The following NBEA variants were observed in gnomAD, a reference collection of about 807,000 sequenced individuals.
NBEA encodes the protein neurobeachin.
Under a neutral mutation model 343.4 loss-of-function variants are expected in NBEA, and 44 were observed. The observed-to-expected ratio is 0.13, with a 90% CI of 0.10 to 0.16. The LOEUF is 0.16. Among genes scored for constraint, NBEA ranks in the 10% least tolerant of loss-of-function variants. NBEA has a pLI of 1.00. For missense variants in NBEA, 2,555 were observed against 3,631.3 expected, an observed-to-expected ratio of 0.70 and a Z score of 7.62; for synonymous variants, 1,175 against 1,238.7, an observed-to-expected ratio of 0.95 and a Z score of 1.08.
Position 35,160,009 on chromosome 13 carries a change from A to T in NBEA, c.3838A>T (p.Ile1280Phe), listed in dbSNP as rs1464563962. ...GKESGKEIRK[I>F]QTTTTTQAVQ... is the part of the protein sequence containing the mutation. ...AGAATCAGGAAAAGAAATCCGAAAA[A>T]TCCAAACAACTACTACGACACAAGT... The change falls in exon 22 of 59, where the codon ATC becomes TTC. Residue 1280 changes from isoleucine (I) to phenylalanine (F), a missense_variant. By Grantham distance (21) the Ile-to-Phe change is conservative (BLOSUM62 0). Coordinates refer to ENST00000379939, the MANE Select transcript of NBEA (RefSeq NM_001385012.1). 1.3e-6 allele frequency: 2 copies of T among 1,585,620 alleles called. No homozygotes were observed. The highest frequency in any genetic ancestry group is 1.7e-6 in the Non-Finnish European group (2 of 1,167,816).
chr13:35,047,472 G>A (rs571534877), intron 4 of NBEA, among the ~76,000 whole-genome samples: 1 of 152,068 alleles, frequency 6.6e-6, no homozygotes, highest in South Asian at 2.1e-4. Context: ...TTGAAGTCCA[G>A]AAAAGCTTCA....
rs566690356 is a variant in NBEA, at chr13:35,399,913, G to C, written c.6180-32356G>C. On this transcript the variant is annotated intron_variant, in intron 38 of 58. Transcript: ENST00000379939. ...GGGAATAGGGAAGCCCAAAGGGAGG[G>C]AGAGGGACAGGGGAACAACCAGTTG... 6.0e-4 allele frequency among the ~76,000 whole-genome samples: 92 copies of C among 152,136 alleles called. 1 individual carries two copies. The highest frequency in any genetic ancestry group is 2.1e-3 in the African/African-American group (87 of 41,536).
chr13:35,280,976 T>TA (rs2152811185), intron 34 of NBEA, among the ~76,000 whole-genome samples: 1 of 152,240 alleles, frequency 6.6e-6, no homozygotes, highest in African/African-American at 2.4e-5. Flanking sequence ...GTGACTCACA[T>TA]ACTGACTTCT....
chr13:35,546,767 C>G (rs1175354911), intron 41 of NBEA, among the ~76,000 whole-genome samples: 1 of 151,992 alleles, frequency 6.6e-6, no homozygotes, highest in South Asian at 2.1e-4. Context: ...ATTGGCCAGG[C>G]TGGTCTCGAA....
At chr13:35,545,337 C>A (rs1241799183) in intron 41 of NBEA, among the ~76,000 whole-genome samples, 1 of 152,152 alleles carries the variant, frequency 6.6e-6, no homozygotes, top group Admixed American at 6.5e-5. Flanking sequence ...CACTGCATTC[C>A]ACTCTATCCT....
At position 35,123,021 on chromosome 13, in the gene NBEA, G is replaced by A. The variant is rs2066886988; in HGVS notation, c.2244-461G>A. ...CCAAGAAAACAGGGTTAGGGTGCAG[G>A]TGGCTCACGCCTGTAATTCCAGCAC... On this transcript the variant is annotated intron_variant, in intron 16 of 58. Coordinates refer to ENST00000379939, the MANE Select transcript of NBEA (RefSeq NM_001385012.1). Among the ~76,000 whole-genome samples the A allele has an allele frequency of 2.0e-5, 3 of 152,172 alleles. No homozygotes were observed. The South Asian group carries it at 6.2e-4, about 31-fold the overall frequency.
chr13:35,423,381 T>C (rs1209828699), intron 38 of NBEA, among the ~76,000 whole-genome samples: 1 of 152,234 alleles, frequency 6.6e-6, no homozygotes, highest in Non-Finnish European at 1.5e-5. Context: ...TAGCCAGTTT[T>C]CCCAGCACCA....
intron 44 of NBEA, among the ~76,000 whole-genome samples, chr13:35,564,091 A>C (rs985325360): frequency 5.3e-5 from 8 of 152,030 alleles, no homozygotes; most frequent in African/African-American, 1.9e-4. Context: ...TTCTATTAAA[A>C]AGGCTGGTGT....
intron 39 of NBEA, among the ~76,000 whole-genome samples, chr13:35,445,689 G>A (rs1446846852): frequency 2.0e-5 from 3 of 150,120 alleles, no homozygotes; most frequent in African/African-American, 4.9e-5. Context: ...TTTGACATGT[G>A]AAATTAAAGT....
intron 41 of NBEA, among the ~76,000 whole-genome samples, chr13:35,511,532 G>A (rs1009313565): frequency 6.6e-6 from 1 of 152,040 alleles, no homozygotes; most frequent in African/African-American, 2.4e-5. Flanking sequence ...ATTATTACTG[G>A]ATTTGTTATC....
chr13:35,188,466 C>A (rs1277137389), intron 30 of NBEA, among the ~76,000 whole-genome samples: 3 of 152,072 alleles, frequency 2.0e-5, no homozygotes, highest in Non-Finnish European at 4.4e-5. Flanking sequence ...TTTTAAGATT[C>A]CCTATATAAG....
At chr13:35,517,951 T>C (rs1429462314) in intron 41 of NBEA, among the ~76,000 whole-genome samples, 2 of 152,216 alleles carry the variant, frequency 1.3e-5, no homozygotes, top group African/African-American at 4.8e-5. Flanking sequence ...ATTTTTTCTT[T>C]TACATGAAAA....
chr13:35,131,721 A>G (rs1425715157), intron 17 of NBEA, among the ~76,000 whole-genome samples: 1 of 152,158 alleles, frequency 6.6e-6, no homozygotes, highest in Non-Finnish European at 1.5e-5. Context: ...AGCTAGCAAA[A>G]TTGTTTTCAA....
chr13:35,045,247 TATTAA>T, intron 3 of NBEA, 54 bp from the exon 4 acceptor site: 1 of 1,398,118 alleles, frequency 7.2e-7, no homozygotes, highest in Non-Finnish European at 9.9e-7. Flanking sequence ...TAACATGGTA[TATTAA>T]GTATGATTGC....
chr13:34,952,816 AT>A (rs2059389087), intron 1 of NBEA, among the ~76,000 whole-genome samples: 1 of 152,132 alleles, frequency 6.6e-6, no homozygotes, highest in African/African-American at 2.4e-5. Context: ...GTATATAAAT[AT>A]TTTTATGTTA....
At chr13:35,459,019 A>C (rs755437589) in intron 40 of NBEA, among the ~76,000 whole-genome samples, 228 of 71,850 alleles carry the variant, frequency 3.2e-3, no homozygotes, top group East Asian at 5.5e-3. Flanking sequence ...CCCCCCCCCC[A>C]CACACACACA....
chr13:35,335,355 T>C (rs2039186699), intron 36 of NBEA, among the ~76,000 whole-genome samples: 1 of 152,262 alleles, frequency 6.6e-6, no homozygotes, highest in African/African-American at 2.4e-5. Context: ...AATTTGACCA[T>C]TGGCTTTTTT....
At chr13:34,992,800 G>A (rs1306003321) in intron 1 of NBEA, among the ~76,000 whole-genome samples, 1 of 150,660 alleles carries the variant, frequency 6.6e-6, no homozygotes, top group Non-Finnish European at 1.5e-5. Flanking sequence ...AGCCTCCTGA[G>A]TAGCTGGGAC....
At chr13:35,120,383 G>A (rs1353849377) in intron 16 of NBEA, among the ~76,000 whole-genome samples, 2 of 152,028 alleles carry the variant, frequency 1.3e-5, no homozygotes, top group South Asian at 2.1e-4. Context: ...ATTAAAAAAC[G>A]GCCTTTCCTT....
Sources: gnomAD v4.1 joint callset for allele counts (sites outside exome capture counted in the v4.1 genomes callset) on GRCh38, gnomAD v4.1.1 for gene constraint, MANE v1.5 for transcripts, NCBI Gene and HGNC (gene_info 2026-07-23, HGNC 2026-07-21) for gene names.